PCDHGB1: variants seen among roughly 807,000 people sequenced by gnomAD.
PCDHGB1 encodes the protein protocadherin gamma-B1.
PCDHGB1 carries 34 observed loss-of-function variants against 56.6 expected under a neutral mutation model. That is an observed-to-expected ratio of 0.60 (90% CI 0.46 to 0.80). The LOEUF (loss-of-function observed/expected upper bound fraction) is 0.80. Among genes scored for constraint, PCDHGB1 ranks in the 30% least tolerant of loss-of-function variants. The pLI, the probability that PCDHGB1 is intolerant of heterozygous loss-of-function variation, is 0.00. For synonymous variants in PCDHGB1, 561 were observed against 505.9 expected (o/e 1.11, Z -1.46); for missense variants, 1,278 against 1,204.6 (o/e 1.06, Z -0.90).
At chr5:141,451,597 C>CAAGG (rs1434393705) in intron 1 of PCDHGB1, among the ~76,000 whole-genome samples, 3 of 152,076 alleles carry the variant, frequency 2.0e-5, no homozygotes, top group Non-Finnish European at 2.9e-5. Flanking sequence ...AAGTGACATA[C>CAAGG]AAGGCTAGGC....
chr5:141,499,122 A>G (rs971741957), intron 2 of PCDHGB1, among the ~76,000 whole-genome samples: 3 of 152,140 alleles, frequency 2.0e-5, no homozygotes, highest in African/African-American at 7.2e-5. Context: ...ATCCCTTCTC[A>G]GGTCATCCTT....
chr5:141,484,907 C>T, intron 1 of PCDHGB1: 1 of 409,994 alleles, frequency 2.4e-6, no homozygotes, highest in Non-Finnish European at 4.3e-6. Context: ...AATGCTGCGA[C>T]GCATTAACCC....
At chr5:141,365,307 CT>C in intron 1 of PCDHGB1, 2 of 1,613,992 alleles carry the variant, frequency 1.2e-6, no homozygotes, top group Non-Finnish European at 1.7e-6. Flanking sequence ...GATGGAGGCG[CT>C]CTTGTTGCCA....
intron 1 of PCDHGB1, chr5:141,367,611 T>G (rs868477052): frequency 6.6e-6 from 1 of 152,038 alleles, no homozygotes; most frequent in Non-Finnish European, 1.5e-5. Flanking sequence ...AATGATAACA[T>G]GTAGCATTCT....
Position 141,504,677 on chromosome 5 carries a change from T to C in PCDHGB1, c.2469-716T>C, listed in dbSNP as rs552242248. 4.7e-5 allele frequency among the ~76,000 whole-genome samples: 7 copies of C among 147,580 alleles called. No homozygotes were observed. In the East Asian group the frequency reaches 1.5e-3, roughly 31 times the overall value. ...TTTGAGGGCGGGGGGTGGGGGTTCT[T>C]GTAAAATAGGAGGGGCAGGTTCTTC... On this transcript the variant is annotated intron_variant, in intron 2 of 3. Transcript: ENST00000523390.
chr5:141,421,965 C>T (rs775450008), intron 1 of PCDHGB1: 3 of 1,610,242 alleles, frequency 1.9e-6, no homozygotes, highest in Non-Finnish European at 2.5e-6. Context: ...TTACACAGTC[C>T]GTATATCGCG....
chr5:141,399,203 G>C, intron 1 of PCDHGB1: 1 of 1,613,940 alleles, frequency 6.2e-7, no homozygotes, highest in Middle Eastern at 1.6e-4. Context: ...GCGGTGCCTG[G>C]AACACTAATT....
intron 1 of PCDHGB1, among the ~76,000 whole-genome samples, chr5:141,492,095 CT>C (rs1047956109): frequency 6.6e-6 from 1 of 152,232 alleles, no homozygotes; most frequent in African/African-American, 2.4e-5. Context: ...CTTCGCCGGT[CT>C]GTAGATTTCC....
At chr5:141,401,861 G>A (rs934405271) in intron 1 of PCDHGB1, among the ~76,000 whole-genome samples, 3 of 152,122 alleles carry the variant, frequency 2.0e-5, no homozygotes, top group African/African-American at 7.2e-5. Context: ...TAACCTTTCA[G>A]TAGTTTTCTT....
chr5:141,446,594 A>G (rs571957656), intron 1 of PCDHGB1, among the ~76,000 whole-genome samples: 8 of 152,136 alleles, frequency 5.3e-5, no homozygotes, highest in African/African-American at 1.9e-4. Flanking sequence ...CTTCTGCCTC[A>G]GCCTCCTGAG....
At chr5:141,502,368 G>A (rs2099813930) in intron 2 of PCDHGB1, among the ~76,000 whole-genome samples, 1 of 151,996 alleles carries the variant, frequency 6.6e-6, no homozygotes, top group East Asian at 1.9e-4. Context: ...TATTTTTAAA[G>A]AGTCCAGGCC....
At chr5:141,372,619 C>G (rs771812483) in intron 1 of PCDHGB1, 1 of 1,613,968 alleles carries the variant, frequency 6.2e-7, no homozygotes, top group Non-Finnish European at 8.5e-7. Context: ...GTTCTCCCCA[C>G]CTACAGCGAA....
intron 1 of PCDHGB1, chr5:141,422,726 T>C: frequency 5.6e-6 from 9 of 1,605,994 alleles, no homozygotes; most frequent in African/African-American, 4.0e-5. Flanking sequence ...GTCCAGGGGG[T>C]GCCTCTGTCC....
intron 1 of PCDHGB1, chr5:141,366,203 G>A (rs1764404234): frequency 3.7e-6 from 6 of 1,613,862 alleles, no homozygotes; most frequent in East Asian, 4.5e-5. Flanking sequence ...GCACACGGGC[G>A]AGGTGCGCAC....
intron 1 of PCDHGB1, among the ~76,000 whole-genome samples, chr5:141,465,538 A>AT (rs2099105284): frequency 6.6e-6 from 1 of 152,112 alleles, no homozygotes; most frequent in Non-Finnish European, 1.5e-5. Context: ...TTTCCCAGGC[A>AT]TTTTTTCTGC....
At chr5:141,474,126 A>G (rs1450071391) in intron 1 of PCDHGB1, among the ~76,000 whole-genome samples, 2 of 152,232 alleles carry the variant, frequency 1.3e-5, no homozygotes, top group African/African-American at 4.8e-5. Context: ...AAAATCTCAG[A>G]AAACTACAGG....
rs754836894 is a variant in PCDHGB1 at position 141,432,969 on chromosome 5, C to G, written c.2410-61838C>G. ...GGAGGCGGCTTGACAGGAGCGCCGG[C>G]GTCGCACTTTGTGGGCGTGGACGGG... On this transcript the variant is annotated intron_variant, in intron 1 of 3. Coordinates refer to ENST00000523390, the MANE Select transcript of PCDHGB1 (RefSeq NM_018922.3). The surrounding 1 kb of genome is among the most constrained non-coding windows in gnomAD (Gnocchi z 6.0). 5.0e-6 allele frequency: 8 copies of G among 1,614,030 alleles called. No homozygotes were observed. In the Admixed American group the frequency reaches 5.0e-5, roughly 10 times the overall value.
chr5:141,391,354 T>C (rs1345659874), intron 1 of PCDHGB1: 3 of 150,784 alleles, frequency 2.0e-5, no homozygotes, highest in Non-Finnish European at 3.0e-5. Flanking sequence ...TGTCTGTTAC[T>C]CAGGCTGTAG....
At chr5:141,422,880 G>T in intron 1 of PCDHGB1, 1 of 1,614,258 alleles carries the variant, frequency 6.2e-7, no homozygotes, top group East Asian at 2.2e-5. Flanking sequence ...CGCTGAGCCT[G>T]TTCGTGCTGG....
Sources: allele counts gnomAD v4.1 joint callset (sites outside exome capture counted in the v4.1 genomes callset), GRCh38; gene constraint gnomAD v4.1.1; non-coding constraint Gnocchi (gnomAD v3.1); transcripts MANE v1.5; gene names NCBI Gene and HGNC (gene_info 2026-07-23, HGNC 2026-07-21).